Variants in NAA30 observed in about 807,000 individuals in gnomAD.
NAA30 encodes N-alpha-acetyltransferase 30, NatC catalytic subunit.
A neutral mutation model predicts 31.4 loss-of-function variants in NAA30; 5 were observed. The observed-to-expected ratio is 0.16, with a 90% CI of 0.08 to 0.33. The LOEUF is 0.33. Among genes scored for constraint, NAA30 ranks in the 10% least tolerant of loss-of-function variants. NAA30 has a pLI of 1.00. For synonymous variants in NAA30, 222 were observed against 207.1 expected, an observed-to-expected ratio of 1.07 and a Z score of -0.62; for missense variants, 428 against 490.8, an observed-to-expected ratio of 0.87 and a Z score of 1.21.
intron 4 of NAA30, among the ~76,000 whole-genome samples, chr14:57,406,748 G>A (rs1380934670): frequency 6.6e-6 from 1 of 152,022 alleles, no homozygotes; most frequent in Non-Finnish European, 1.5e-5. Context: ...CTATAATTAG[G>A]TGCTGGACCT....
At chr14:57,408,467 A>G (rs940609761) in intron 4 of NAA30, among the ~76,000 whole-genome samples, 3 of 152,228 alleles carry the variant, frequency 2.0e-5, no homozygotes, top group African/African-American at 2.4e-5. Flanking sequence ...AGTTAATACT[A>G]TGTGTTCCTC....
chr14:57,403,227 G>C (rs1407618131), intron 4 of NAA30, among the ~76,000 whole-genome samples: 2 of 85,506 alleles, frequency 2.3e-5, no homozygotes, highest in South Asian at 1.1e-3. Flanking sequence ...ACTGTGCTCC[G>C]TGGCCGGAAA....
chr14:57,405,410 A>T (rs12433956), intron 4 of NAA30, among the ~76,000 whole-genome samples: 119,319 of 150,036 alleles, frequency 0.8, 49,368 homozygotes, highest in Admixed American at 0.9. Flanking sequence ...ATTTACTAAT[A>T]ATATATATGT....
rs779649301 is a variant in NAA30 at position 57,391,032 on chromosome 14, C to T, written c.75C>T (p.Pro25=). The T allele has an allele frequency of 1.5e-5, 22 of 1,511,936 alleles. No individual in the cohort carries two copies. Among genetic ancestry groups the T allele is most frequent in the Non-Finnish European group, 1.8e-5 (21 of 1,137,882 alleles). The allele number at this position is 1,511,936 out of a possible 1,614,324, so 93.7% of individuals were successfully genotyped here. A position where few individuals can be genotyped will look rare whatever the true frequency, so the allele number is the denominator to read the frequency against. Residue 25 remains proline, a synonymous_variant, in exon 2 of 5, where the codon CCC becomes CCT. Coordinates refer to ENST00000556492, the MANE Select transcript of NAA30 (RefSeq NM_001011713.3). The surrounding 1 kb of genome is among the most constrained non-coding windows in gnomAD (Gnocchi z 4.1). ...CTCCGGCCCCGGCGGCGGTCGAGCC[C>T]CGCTGTCCCTTCCCGGCGGGGGCCG... The part of the protein sequence containing the change: ...PAPPAPAAVE[P]RCPFPAGAAL...
intron 3 of NAA30, among the ~76,000 whole-genome samples, chr14:57,397,817 C>T (rs2066458024): frequency 6.6e-6 from 1 of 152,114 alleles, no homozygotes; most frequent in Non-Finnish European, 1.5e-5. Flanking sequence ...CCCAGCTACT[C>T]AGGAGGCTGA....
At chr14:57,390,738 G>T in intron 1 of NAA30, 33 bp downstream of exon 1, 1 of 447,090 alleles carries the variant, frequency 2.2e-6, no homozygotes. Flanking sequence ...GAGTGACAGG[G>T]CTGGCGGGTG....
At chr14:57,398,551 A>G (rs1740207265) in intron 3 of NAA30, among the ~76,000 whole-genome samples, 1 of 152,106 alleles carries the variant, frequency 6.6e-6, no homozygotes, top group Non-Finnish European at 1.5e-5. Flanking sequence ...TCTAGCACCT[A>G]GATTCAAGCA....
Position 57,410,504 on chromosome 14 carries a change from C to T in NAA30, c.*988C>T, listed in dbSNP as rs539542055. 6.6e-6 allele frequency: 1 copy of T among 152,622 alleles called. No individual in the cohort carries two copies. The highest frequency in any genetic ancestry group is 2.1e-4 in the South Asian group (1 of 4,826). The allele number at this position is 152,622 out of a possible 1,614,324, so 9.5% of individuals were successfully genotyped here. On this transcript the variant is annotated 3_prime_UTR_variant, in exon 5 of 5. Coordinates refer to ENST00000556492, the MANE Select transcript of NAA30 (RefSeq NM_001011713.3). ...GCGAAGAACAGCTTTTACAAAGTAGCTGAATTTGTTTTTCCCACTTGATTT... is the reference window on the plus strand; with the variant it reads ...GCGAAGAACAGCTTTTACAAAGTAGTTGAATTTGTTTTTCCCACTTGATTT...
rs377369730 is a variant in NAA30 at position 57,391,445 on chromosome 14, C to G, written c.488C>G (p.Ala163Gly). 6.2e-7 allele frequency: 1 copy of G among 1,608,042 alleles called. No homozygotes were observed. ...GAGGCAGCGGCGGCGAGCGATCCCG[C>G]GGCGGCCCGCAATGGACTGGCCGAG... is the stretch of plus-strand genomic sequence containing the variant. Reference protein sequence around the residue: ...PVEAAAASDPAAARNGLAEGT... With the variant: ...PVEAAAASDPGAARNGLAEGT... The change falls in exon 2 of 5, where the codon GCG becomes GGG. Residue 163 changes from alanine to glycine, a missense_variant. Ala to Gly is a moderately conservative substitution (Grantham distance 60, BLOSUM62 0). Coordinates refer to ENST00000556492, the MANE Select transcript of NAA30 (RefSeq NM_001011713.3). The surrounding 1 kb of genome is among the most constrained non-coding windows in gnomAD (Gnocchi z 4.1).
intron 4 of NAA30, among the ~76,000 whole-genome samples, chr14:57,403,304 CT>C (rs544336482): frequency 2.7e-5 from 4 of 147,054 alleles, no homozygotes; most frequent in Admixed American, 1.3e-4. Context: ...ACAATTTTTA[CT>C]TTCTATTCTG....
chr14:57,405,282 A>G (rs1277118674), intron 4 of NAA30, among the ~76,000 whole-genome samples: 2 of 152,144 alleles, frequency 1.3e-5, no homozygotes, highest in African/African-American at 2.4e-5. Flanking sequence ...GAAATAACTT[A>G]TACTTTTCTA....
In NAA30 at chr14:57,396,837, T is replaced by C; in HGVS notation, c.857T>C (p.Met286Thr). The C allele has an allele frequency of 6.2e-7, 1 of 1,614,130 alleles. No homozygotes were observed. The highest frequency in any genetic ancestry group is 1.1e-5 in the South Asian group (1 of 91,082). ...KKMFRRGYIAMLAVDSKYRRN... is the reference protein window; with the variant it reads ...KKMFRRGYIATLAVDSKYRRN... ...ATGTTCCGCAGAGGTTATATAGCCA[T>C]GTTAGCCGTGGATTCCAAATACAGG... Residue 286 changes from methionine (M) to threonine (T), a missense_variant, in exon 3 of 5, where the codon ATG becomes ACG. Coordinates refer to ENST00000556492, the MANE Select transcript of NAA30 (RefSeq NM_001011713.3).
chr14:57,408,967 A>G (rs1025447699), intron 4 of NAA30, among the ~76,000 whole-genome samples: 13 of 152,350 alleles, frequency 8.5e-5, no homozygotes, highest in East Asian at 1.9e-4. Context: ...ATGAAAATAC[A>G]GAAGTTGGAA....
intron 2 of NAA30, among the ~76,000 whole-genome samples, chr14:57,395,397 C>T (rs1226759208): frequency 6.6e-6 from 1 of 152,074 alleles, no homozygotes; most frequent in East Asian, 1.9e-4. Flanking sequence ...ATAAATTGGA[C>T]ATTACTTATT....
Position 57,391,189 on chromosome 14 carries a change from C to T in NAA30, c.232C>T (p.Pro78Ser), listed in dbSNP as rs2066425574. The change falls in exon 2 of 5, where the codon CCG becomes TCG. Residue 78 changes from proline (P) to serine (S), a missense_variant. Physicochemically the swap from Pro to Ser is moderately conservative, Grantham distance 74. Coordinates refer to ENST00000556492, the MANE Select transcript of NAA30 (RefSeq NM_001011713.3). The surrounding 1 kb of genome is among the most constrained non-coding windows in gnomAD (Gnocchi z 4.1). Reference sequence around the variant, plus strand: ...TCCGTGCCTCCGCTGCCCTCAGCCGCCGCAGGAGCAGCAGCAGCTCAACGG... The same window carrying T: ...TCCGTGCCTCCGCTGCCCTCAGCCGTCGCAGGAGCAGCAGCAGCTCAACGG... ...GHPCLRCPQP[P>S]QEQQQLNGLI... The T allele has an allele frequency of 1.9e-6, 3 of 1,611,134 alleles. No homozygotes were observed. Among genetic ancestry groups the T allele is most frequent in the Non-Finnish European group, 2.5e-6 (3 of 1,179,704 alleles).
chr14:57,396,966 G>A lies in NAA30; in HGVS notation c.895+91G>A, dbSNP rs572369273. ...TAAAAGACTTAAATGTAAGTATGTA[G>A]AAATGAAAGAAACTAAGGGAAGAAA... On this transcript the variant is annotated intron_variant, in intron 3 of 4. Transcript: ENST00000556492. The A allele has an allele frequency of 3.8e-4, 478 of 1,246,410 alleles. No homozygotes were observed. Among genetic ancestry groups the A allele is most frequent in the Non-Finnish European group, 4.8e-4 (434 of 910,994 alleles). The allele number at this position is 1,246,410 out of a possible 1,614,324, so 77.2% of individuals were successfully genotyped here. A position where few individuals can be genotyped will look rare whatever the true frequency, so the allele number is the denominator to read the frequency against.
At chr14:57,400,698 T>C (rs960590013) in intron 4 of NAA30, among the ~76,000 whole-genome samples, 1 of 152,224 alleles carries the variant, frequency 6.6e-6, no homozygotes, top group Non-Finnish European at 1.5e-5. Flanking sequence ...CCTTAATAAA[T>C]AATTTGTTTA....
intron 2 of NAA30, among the ~76,000 whole-genome samples, chr14:57,395,215 T>A (rs1387395554): frequency 6.6e-6 from 1 of 152,084 alleles, no homozygotes; most frequent in Admixed American, 6.6e-5. Flanking sequence ...TTAGCGTGGG[T>A]TGTTGAATTT....
intron 2 of NAA30, among the ~76,000 whole-genome samples, chr14:57,392,882 T>C (rs914817632): frequency 2.6e-5 from 4 of 152,216 alleles, no homozygotes; most frequent in African/African-American, 9.6e-5. Context: ...GGTAGTTCTA[T>C]TTTCTGTCTT....
Sources: gnomAD v4.1 joint callset for allele counts (sites outside exome capture counted in the v4.1 genomes callset) on GRCh38, gnomAD v4.1.1 for gene constraint, Gnocchi (gnomAD v3.1) non-coding constraint, MANE v1.5 for transcripts, NCBI Gene and HGNC (gene_info 2026-07-23, HGNC 2026-07-21) for gene names.